The following SLC26A2 variants were observed in gnomAD, a reference collection of about 807,000 sequenced individuals.
SLC26A2 encodes solute carrier family 26 member 2.
A neutral mutation model predicts 41.1 loss-of-function variants in SLC26A2; 36 were observed. The ratio of observed to expected loss-of-function variants is 0.88; its 90% CI spans 0.67 to 1.16. The LOEUF (loss-of-function observed/expected upper bound fraction) is 1.16, where lower values mean the gene tolerates loss of function less well. Among genes scored for constraint, SLC26A2 ranks in the 50% most tolerant of loss-of-function variants. The pLI, the probability that SLC26A2 is intolerant of heterozygous loss-of-function variation, is 0.00. For synonymous variants in SLC26A2, 291 were observed against 311.6 expected, an observed-to-expected ratio of 0.93 and a Z score of 0.70; for missense variants, 796 against 869.6, an observed-to-expected ratio of 0.92 and a Z score of 1.07.
chr5:149,977,606 A>G (rs373163711), intron 1 of SLC26A2, 22 bp from the exon 2 acceptor site: 8 of 1,169,112 alleles, frequency 6.8e-6, no homozygotes, highest in Non-Finnish European at 1.0e-5. Context: ...ATTGATGAAC[A>G]CTGGTATTTT....
At position 149,980,805 on chromosome 5, in the gene SLC26A2, T is replaced by G. The variant is rs760012686; in HGVS notation, c.1212T>G (p.Phe404Leu). 6.2e-7 allele frequency: 1 copy of G among 1,613,988 alleles called. No individual in the cohort carries two copies. Among genetic ancestry groups the G allele is most frequent in the East Asian group, 2.2e-5 (1 of 44,884 alleles). The change falls in exon 3 of 3, where the codon TTT (phenylalanine) becomes TTG (leucine). Residue 404 changes from phenylalanine to leucine, a missense_variant. Coordinates refer to ENST00000286298, the MANE Select transcript of SLC26A2 (RefSeq NM_000112.4). ...TCACTGTATCACTTTCTGAGATGTT[T>G]GCCAAGAAACATGGTTACACAGTCA... ...FAITVSLSEMFAKKHGYTVKA... is the reference protein window; with the variant it reads ...FAITVSLSEMLAKKHGYTVKA...
intron 1 of SLC26A2, among the ~76,000 whole-genome samples, chr5:149,966,416 T>C (rs1754806589): frequency 6.6e-6 from 1 of 152,158 alleles, no homozygotes; most frequent in South Asian, 2.1e-4. Context: ...CTGCCTATGG[T>C]TTTAGATTGT....
rs761075019 is a variant in SLC26A2, at chr5:149,963,738, C to CTTTT, written c.-26+2780_-26+2783dup. ...CCTGCTATTTTGCATATTTGTTTAA[C>CTTTT]TTTTTTTTTTTTTTTTTTTTTTTTG... is the stretch of plus-strand genomic sequence containing the variant. On this transcript the variant is annotated intron_variant, in intron 1 of 2. Coordinates refer to ENST00000286298, the MANE Select transcript of SLC26A2 (RefSeq NM_000112.4). 4.3e-3 allele frequency among the ~76,000 whole-genome samples: 334 copies of CTTTT among 78,240 alleles called. 35 individuals carry two copies. The highest frequency in any genetic ancestry group is 9.4e-3 in the African/African-American group (151 of 16,056). The allele number at this position is 78,240 out of a possible 152,430, so 51.3% of individuals were successfully genotyped here.
intron 1 of SLC26A2, among the ~76,000 whole-genome samples, chr5:149,964,961 A>G (rs1241989110): frequency 6.6e-6 from 1 of 152,224 alleles, no homozygotes; most frequent in Non-Finnish European, 1.5e-5. Flanking sequence ...CAACTTTCAA[A>G]TAGTTGAAAA....
At chr5:149,962,556 T>A (rs1261390486) in intron 1 of SLC26A2, among the ~76,000 whole-genome samples, 1 of 152,068 alleles carries the variant, frequency 6.6e-6, no homozygotes, top group African/African-American at 2.4e-5. Context: ...CCAGTCAGGT[T>A]TCAAACTCCT....
At chr5:149,963,506 T>C (rs905412472) in intron 1 of SLC26A2, among the ~76,000 whole-genome samples, 19 of 151,926 alleles carry the variant, frequency 1.3e-4, no homozygotes, top group Admixed American at 1.2e-3. Context: ...CTCAATTTCA[T>C]GACCTCGTGA....
At chr5:149,963,607 G>A (rs755122819) in intron 1 of SLC26A2, among the ~76,000 whole-genome samples, 32 of 151,974 alleles carry the variant, frequency 2.1e-4, no homozygotes, top group South Asian at 4.1e-4. Flanking sequence ...TAGAGAGGGG[G>A]TTTCACCATG....
In SLC26A2 at chr5:149,978,100, A is replaced by G. The variant is rs772253189; in HGVS notation, c.448A>G (p.Ile150Val). The G allele has an allele frequency of 6.2e-7, 1 of 1,601,322 alleles. No homozygotes were observed. The highest frequency in any genetic ancestry group is 1.1e-5 in the South Asian group (1 of 89,272). The change falls in exon 2 of 3, where the codon ATT (isoleucine) becomes GTT (valine). Residue 150 changes from isoleucine (I) to valine (V), a missense_variant. Transcript: ENST00000286298. ...GTACACATCTTTTTTTGCCAGCATC[A>G]TTTATTTTCTCTTGGGTACCTCCCG... ...GLYTSFFASI[I>V]YFLLGTSRHI...
intron 1 of SLC26A2, among the ~76,000 whole-genome samples, chr5:149,976,498 G>C (rs1754994884): frequency 6.6e-6 from 1 of 152,308 alleles, no homozygotes; most frequent in East Asian, 1.9e-4. Context: ...AGGCAAAGAG[G>C]TGGATGGCCA....
At chr5:149,971,619 C>T (rs756843749) in intron 1 of SLC26A2, among the ~76,000 whole-genome samples, 3 of 152,230 alleles carry the variant, frequency 2.0e-5, no homozygotes, top group South Asian at 4.1e-4. Context: ...AGGCTGATCT[C>T]GAACTCCTGG....
chr5:149,974,233 A>G (rs766905), intron 1 of SLC26A2, among the ~76,000 whole-genome samples: 77 of 152,292 alleles, frequency 5.1e-4, no homozygotes, highest in African/African-American at 1.8e-3. Flanking sequence ...GAAGTCTGCT[A>G]TAATTCTTAT....
rs144088368 is a variant in SLC26A2, at chr5:149,962,872, G to A, written c.-26+1893G>A. ...AATTCACTCAACAGATACTTGCTAA[G>A]CATTTATTAGGTGCAAGACATGTTC... On this transcript the variant is annotated intron_variant, in intron 1 of 2. Coordinates refer to ENST00000286298, the MANE Select transcript of SLC26A2 (RefSeq NM_000112.4). Among the ~76,000 whole-genome samples the A allele has an allele frequency of 4.7e-4, 71 of 152,216 alleles. 2 individuals are homozygous for A. The East Asian group carries it at 0.013, about 29-fold the overall frequency.
rs779722346 is a variant in SLC26A2, at chr5:149,977,666, G to T, written c.14G>T (p.Ser5Ile). 6.2e-7 allele frequency: 1 copy of T among 1,613,232 alleles called. No homozygotes were observed. Among genetic ancestry groups the T allele is most frequent in the Non-Finnish European group, 8.5e-7 (1 of 1,179,330 alleles). The change falls in exon 2 of 3, where the codon AGT becomes ATT. Residue 5 changes from serine to isoleucine, a missense_variant. By Grantham distance (142) the Ser-to-Ile change is moderately radical. Transcript: ENST00000286298. The stretch of plus-strand genomic sequence containing the variant: ...CTATCTCCAGAAATGTCTTCAGAAA[G>T]TAAAGAGCAACATAACGTTTCACCC... MSSESKEQHNVSPRD... is the reference protein window; with the variant it reads MSSEIKEQHNVSPRD...
At chr5:149,963,906 G>A (rs1477822412) in intron 1 of SLC26A2, among the ~76,000 whole-genome samples, 1 of 151,894 alleles carries the variant, frequency 6.6e-6, no homozygotes, top group Non-Finnish European at 1.5e-5. Context: ...TTGTATCTAG[G>A]AAGGGACCGA....
intron 2 of SLC26A2, 26 bp downstream of exon 2, chr5:149,978,377 ATTTC>A: frequency 6.4e-7 from 1 of 1,551,514 alleles, no homozygotes; most frequent in South Asian, 1.1e-5. Flanking sequence ...ACAATTGGTT[ATTTC>A]TAGAAAAGTA....
intron 1 of SLC26A2, among the ~76,000 whole-genome samples, chr5:149,965,470 A>G (rs1168853137): frequency 4.2e-5 from 5 of 120,372 alleles, no homozygotes; most frequent in African/African-American, 1.6e-4. Context: ...ACAGAGCAAG[A>G]CTCTGTCTCA....
At chr5:149,962,539 A>C (rs1046336439) in intron 1 of SLC26A2, among the ~76,000 whole-genome samples, 3 of 152,116 alleles carry the variant, frequency 2.0e-5, no homozygotes, top group African/African-American at 7.2e-5. Context: ...GTGTTTCACC[A>C]TGTTGCCCAG....
chr5:149,971,304 T>C (rs1754894231), intron 1 of SLC26A2, among the ~76,000 whole-genome samples: 1 of 152,262 alleles, frequency 6.6e-6, no homozygotes, highest in Admixed American at 6.5e-5. Context: ...TGATCTTCCC[T>C]GGACTTGTCT....
chr5:149,968,454 A>G (rs1754843412), intron 1 of SLC26A2, among the ~76,000 whole-genome samples: 1 of 151,946 alleles, frequency 6.6e-6, no homozygotes, highest in Non-Finnish European at 1.5e-5. Flanking sequence ...TCTGTCACTC[A>G]GGCTGGAGTG....
Sources: gnomAD v4.1 joint callset for allele counts (sites outside exome capture counted in the v4.1 genomes callset) on GRCh38, gnomAD v4.1.1 for gene constraint, MANE v1.5 for transcripts, NCBI Gene and HGNC (gene_info 2026-07-23, HGNC 2026-07-21) for gene names.